The following DSCAM variants were observed in gnomAD, a reference collection of about 807,000 sequenced individuals.
DSCAM encodes cell adhesion molecule DSCAM.
DSCAM carries 47 observed loss-of-function variants against 217.7 expected under a neutral mutation model. The observed-to-expected ratio is 0.22, with a 90% confidence interval of 0.17 to 0.28. The LOEUF is 0.28. DSCAM is among the 10% of genes least tolerant of loss of function. The pLI, the probability that DSCAM is intolerant of heterozygous loss-of-function variation, is 1.00. For synonymous variants in DSCAM, 1,056 were observed against 1,015.3 expected, an observed-to-expected ratio of 1.04 and a Z score of -0.76; for missense variants, 2,080 against 2,618.3, an observed-to-expected ratio of 0.79 and a Z score of 4.49.
At chr21:40,084,501 A>AACACACACACACAC (rs145863686) in intron 23 of DSCAM, among the ~76,000 whole-genome samples, 1 of 137,688 alleles carries the variant, frequency 7.3e-6, no homozygotes, top group Admixed American at 7.4e-5. Flanking sequence ...TCCAAGATGC[A>AACACACACACACAC]ACACACACAC....
intron 7 of DSCAM, 30 bp from the exon 8 acceptor site, chr21:40,338,406 T>A: frequency 6.3e-7 from 1 of 1,597,264 alleles, no homozygotes; most frequent in East Asian, 2.2e-5. Context: ...CTCTTGAAAA[T>A]AATTTAAGGG....
chr21:40,321,306 A>G (rs1174100207), intron 8 of DSCAM, among the ~76,000 whole-genome samples: 2 of 152,188 alleles, frequency 1.3e-5, no homozygotes, highest in African/African-American at 4.8e-5. Context: ...TAGTATGTCA[A>G]TATCTTCATC....
Position 40,128,573 on chromosome 21 carries a change from G to A in DSCAM, c.3563-4245C>T, listed in dbSNP as rs1041378795. ...TGGAGGTCAGAGACAAAAGAGGTCA[G>A]AGGGATTGGAAGCCATGTGAGACTT... On this transcript the variant is annotated intron_variant, in intron 19 of 32. Coordinates refer to ENST00000400454, the MANE Select transcript of DSCAM (RefSeq NM_001389.5). 5.3e-5 allele frequency among the ~76,000 whole-genome samples: 8 copies of A among 152,142 alleles called. No individual in the cohort carries two copies. The East Asian group carries it at 1.4e-3, about 26-fold the overall frequency.
chr21:40,359,278 G>GC (rs1319131268), intron 4 of DSCAM, among the ~76,000 whole-genome samples: 3 of 152,160 alleles, frequency 2.0e-5, no homozygotes, highest in African/African-American at 7.2e-5. Flanking sequence ...GCTTAAGAAT[G>GC]CCCCCTCAGT....
At chr21:40,764,858 C>G (rs2091371593) in intron 1 of DSCAM, among the ~76,000 whole-genome samples, 1 of 152,022 alleles carries the variant, frequency 6.6e-6, no homozygotes, top group South Asian at 2.1e-4. Context: ...GAACAGAAAA[C>G]CAAACACCAC....
intron 13 of DSCAM, among the ~76,000 whole-genome samples, chr21:40,187,582 A>G (rs2090909053): frequency 6.6e-6 from 1 of 152,212 alleles, no homozygotes; most frequent in Non-Finnish European, 1.5e-5. Context: ...GTCATCTAGT[A>G]CATGGATTCC....
chr21:40,328,617 C>T (rs930037420), intron 8 of DSCAM, among the ~76,000 whole-genome samples: 2 of 151,776 alleles, frequency 1.3e-5, no homozygotes, highest in Non-Finnish European at 2.9e-5. Flanking sequence ...ACAACAAACG[C>T]AAAAATAGAA....
chr21:40,155,509 C>T (rs1032472660), intron 16 of DSCAM, among the ~76,000 whole-genome samples: 5 of 152,024 alleles, frequency 3.3e-5, no homozygotes, highest in Non-Finnish European at 7.4e-5. Flanking sequence ...GAGGGCAGGG[C>T]AGGGGCCCGA....
intron 1 of DSCAM, among the ~76,000 whole-genome samples, chr21:40,830,046 C>G (rs970232344): frequency 2.0e-5 from 3 of 152,142 alleles, no homozygotes; most frequent in Non-Finnish European, 4.4e-5. Context: ...TAAGCATGGC[C>G]ATTTGTGTTA....
chr21:40,556,025 TGTCA>T (rs1329589391), intron 3 of DSCAM, among the ~76,000 whole-genome samples: 2 of 152,178 alleles, frequency 1.3e-5, no homozygotes, highest in Admixed American at 6.5e-5. Context: ...AGAAAAATTC[TGTCA>T]GTAAGAAAAA....
chr21:40,099,702 C>T (rs986269909), intron 20 of DSCAM, among the ~76,000 whole-genome samples: 1 of 152,192 alleles, frequency 6.6e-6, no homozygotes, highest in African/African-American at 2.4e-5. Context: ...GATGCCAGTG[C>T]CTTCTTTCCT....
At chr21:40,618,629 A>G (rs1463511809) in intron 3 of DSCAM, 3 of 152,062 alleles carry the variant, frequency 2.0e-5, no homozygotes, top group Admixed American at 2.0e-4. Flanking sequence ...ACAGGAGAGC[A>G]CAACCCAAAA....
intron 4 of DSCAM, among the ~76,000 whole-genome samples, chr21:40,362,859 T>C (rs1442230984): frequency 6.6e-6 from 1 of 152,230 alleles, no homozygotes; most frequent in Non-Finnish European, 1.5e-5. Context: ...TATATCTATA[T>C]ATACACACAC....
chr21:40,604,697 C>A, intron 3 of DSCAM, among the ~76,000 whole-genome samples: 1 of 152,162 alleles, frequency 6.6e-6, no homozygotes, highest in East Asian at 1.9e-4. Flanking sequence ...CTGCATCTTG[C>A]AGCTCTCTTA....
At chr21:40,523,421 G>A (rs1047860510) in intron 3 of DSCAM, among the ~76,000 whole-genome samples, 1 of 152,104 alleles carries the variant, frequency 6.6e-6, no homozygotes, top group Non-Finnish European at 1.5e-5. Flanking sequence ...GCTGGACTTC[G>A]GGAGGAATGC....
At chr21:40,552,174 C>T (rs574050475) in intron 3 of DSCAM, among the ~76,000 whole-genome samples, 1 of 152,058 alleles carries the variant, frequency 6.6e-6, no homozygotes, top group African/African-American at 2.4e-5. Flanking sequence ...ATTAGCCAGG[C>T]ATGGTGGCGT....
chr21:40,026,531 A>G (rs2088387487), intron 32 of DSCAM, among the ~76,000 whole-genome samples: 1 of 138,392 alleles, frequency 7.2e-6, no homozygotes, highest in Admixed American at 7.5e-5. Flanking sequence ...GTCACTCAGG[A>G]CTTGCTTTAT....
chr21:40,300,051 AAAG>A lies in DSCAM; in HGVS notation c.2063-3880_2063-3878del, dbSNP rs1170372047. On this transcript the variant is annotated intron_variant, in intron 9 of 32. Coordinates refer to ENST00000400454, the MANE Select transcript of DSCAM (RefSeq NM_001389.5). The stretch of plus-strand genomic sequence containing the variant: ...ACAATTCTTACTTTGCTTGCTTATT[AAAG>A]AGAGGATCCCCCACTGTGGCCCTCT... 2.0e-3 allele frequency among the ~76,000 whole-genome samples: 306 copies of A among 152,076 alleles called. 2 individuals carry two copies. Among genetic ancestry groups the A allele is most frequent in the African/African-American group, 6.8e-3 (284 of 41,472 alleles).
At chr21:40,067,251 AT>A (rs956774514) in intron 27 of DSCAM, among the ~76,000 whole-genome samples, 89 of 152,358 alleles carry the variant, frequency 5.8e-4, no homozygotes, top group African/African-American at 2.0e-3. Context: ...AATGCATATC[AT>A]TTTTGCACCA....
Sources: allele counts gnomAD v4.1 joint callset (sites outside exome capture counted in the v4.1 genomes callset), GRCh38; gene constraint gnomAD v4.1.1; transcripts MANE v1.5; gene names NCBI Gene and HGNC (gene_info 2026-07-23, HGNC 2026-07-21).